Variants in MDGA2 observed in about 807,000 individuals in gnomAD.
MDGA2 encodes the protein MAM domain-containing glycosylphosphatidylinositol anchor protein 2.
MDGA2 carries 40 observed loss-of-function variants against 117.8 expected under a neutral mutation model. That is an observed-to-expected ratio of 0.34 (90% CI 0.26 to 0.44). The LOEUF (loss-of-function observed/expected upper bound fraction) is 0.44. Ranked by LOEUF, MDGA2 falls within the 20% of genes least tolerant of loss-of-function variation. The pLI is 1.00. For missense variants in MDGA2, 1,123 were observed against 1,250.6 expected (o/e 0.90, Z 1.54); for synonymous variants, 452 against 439.0 (o/e 1.03, Z -0.37).
intron 1 of MDGA2, among the ~76,000 whole-genome samples, chr14:47,359,650 C>T (rs1891070901): frequency 2.8e-5 from 4 of 140,356 alleles, no homozygotes; most frequent in African/African-American, 1.1e-4. Context: ...ACTCTGGAGG[C>T]TGAGGCAGGA....
At chr14:47,201,441 ATCTCCTG>A (rs1249673106) in intron 3 of MDGA2, among the ~76,000 whole-genome samples, 3 of 152,054 alleles carry the variant, frequency 2.0e-5, no homozygotes, top group Non-Finnish European at 4.4e-5. Context: ...TTGGCCTCCC[ATCTCCTG>A]TTCTTTCTCT....
At chr14:47,640,581 C>A (rs558155188) in intron 1 of MDGA2, among the ~76,000 whole-genome samples, 164 of 152,120 alleles carry the variant, frequency 1.1e-3, no homozygotes, top group African/African-American at 3.6e-3. Flanking sequence ...ATAAAAGCCC[C>A]AAATGTTAAG....
intron 2 of MDGA2, among the ~76,000 whole-genome samples, chr14:47,241,003 T>C (rs1311216580): frequency 6.6e-6 from 1 of 151,884 alleles, no homozygotes; most frequent in African/African-American, 2.4e-5. Context: ...AAATGGGTTA[T>C]TTGAAGGAAA....
intron 2 of MDGA2, among the ~76,000 whole-genome samples, chr14:47,264,819 A>T (rs918298944): frequency 6.6e-6 from 1 of 152,064 alleles, no homozygotes; most frequent in African/African-American, 2.4e-5. Flanking sequence ...CTCGTCATTT[A>T]CATTAGGTAT....
chr14:47,317,005 C>T (rs1351223799), intron 1 of MDGA2, among the ~76,000 whole-genome samples: 3 of 152,050 alleles, frequency 2.0e-5, no homozygotes, highest in East Asian at 1.9e-4. Context: ...GTTCTCATGT[C>T]GATAAGCTCC....
At chr14:47,034,602 A>C (rs936294255) in intron 8 of MDGA2, among the ~76,000 whole-genome samples, 1 of 152,182 alleles carries the variant, frequency 6.6e-6, no homozygotes, top group Admixed American at 6.5e-5. Flanking sequence ...TGCCTGAAGT[A>C]AAAACATGGA....
At chr14:47,297,505 A>AAGGGG (rs1183570949) in intron 2 of MDGA2, among the ~76,000 whole-genome samples, 12 of 116,042 alleles carry the variant, frequency 1.0e-4, no homozygotes. Context: ...AAGGGAAGGG[A>AAGGGG]AGGGAAGGGA....
Position 47,234,055 on chromosome 14 carries a change from T to A in MDGA2, c.421-15860A>T, listed in dbSNP as rs538052354. On this transcript the variant is annotated intron_variant, in intron 2 of 16. Transcript: ENST00000399232. Reference sequence around the variant, plus strand: ...ATTAAAAACAGCAAAATATCTTTTTTAAATATTTATTTTTCTTGTCACTGA... The same window carrying A: ...ATTAAAAACAGCAAAATATCTTTTTAAAATATTTATTTTTCTTGTCACTGA... Among the ~76,000 whole-genome samples the A allele has an allele frequency of 1.8e-4, 27 of 152,230 alleles. 1 individual carries two copies. In the South Asian group the frequency reaches 5.6e-3, roughly 32 times the overall value.
chr14:46,853,263 T>C (rs1237155080), intron 15 of MDGA2, among the ~76,000 whole-genome samples: 1 of 151,772 alleles, frequency 6.6e-6, no homozygotes, highest in African/African-American at 2.4e-5. Context: ...TATCACAAAT[T>C]AAACATAAAT....
intron 1 of MDGA2, chr14:47,306,278 A>C (rs943876699): frequency 6.6e-6 from 1 of 152,160 alleles, no homozygotes. Flanking sequence ...GAAAGATGAC[A>C]ATTTTTTATT....
At chr14:47,120,189 G>GTGGCTTTT (rs1881576447) in intron 5 of MDGA2, among the ~76,000 whole-genome samples, 1 of 152,118 alleles carries the variant, frequency 6.6e-6, no homozygotes, top group Non-Finnish European at 1.5e-5. Context: ...AACGTAAAGA[G>GTGGCTTTT]TAGCTTTAAT....
intron 1 of MDGA2, among the ~76,000 whole-genome samples, chr14:47,639,059 C>T (rs921220099): frequency 4.6e-5 from 7 of 152,224 alleles, no homozygotes; most frequent in Admixed American, 1.3e-4. Context: ...TGAAATGTCA[C>T]GACAGAAAGT....
chr14:47,125,276 T>C (rs989259522), intron 5 of MDGA2, among the ~76,000 whole-genome samples: 1 of 152,146 alleles, frequency 6.6e-6, no homozygotes, highest in African/African-American at 2.4e-5. Flanking sequence ...AAATTGTTTT[T>C]GTATTTTGTT....
chr14:47,215,851 A>C (rs952206175), intron 3 of MDGA2, among the ~76,000 whole-genome samples: 2 of 152,148 alleles, frequency 1.3e-5, no homozygotes, highest in Non-Finnish European at 2.9e-5. Context: ...CATGGTATGC[A>C]TCACAGTGAT....
intron 1 of MDGA2, among the ~76,000 whole-genome samples, chr14:47,345,705 A>G (rs1890748513): frequency 6.6e-6 from 1 of 152,142 alleles, no homozygotes; most frequent in Admixed American, 6.5e-5. Flanking sequence ...ATGAATTACA[A>G]TGAAGCTTAA....
intron 1 of MDGA2, among the ~76,000 whole-genome samples, chr14:47,655,690 C>T (rs772829381): frequency 1.8e-4 from 28 of 152,122 alleles, no homozygotes; most frequent in Non-Finnish European, 3.4e-4. Flanking sequence ...TCACTTTCCC[C>T]ATCAATAAGA....
chr14:47,333,235 C>T (rs1186802709), intron 1 of MDGA2, among the ~76,000 whole-genome samples: 1 of 151,884 alleles, frequency 6.6e-6, no homozygotes, highest in East Asian at 1.9e-4. Context: ...TTCATAGAGG[C>T]TGTACTAATT....
At chr14:47,335,505 C>A (rs910639709) in intron 1 of MDGA2, among the ~76,000 whole-genome samples, 1 of 151,114 alleles carries the variant, frequency 6.6e-6, no homozygotes, top group African/African-American at 2.4e-5. Flanking sequence ...CTCAGAGAAT[C>A]ATGCAGACTG....
intron 3 of MDGA2, among the ~76,000 whole-genome samples, chr14:47,171,140 A>C (rs1884111950): frequency 6.6e-6 from 1 of 152,162 alleles, no homozygotes. Flanking sequence ...GTTTTAAAAA[A>C]TTGCTTATTT....
Sources: allele counts gnomAD v4.1 joint callset (sites outside exome capture counted in the v4.1 genomes callset), GRCh38; gene constraint gnomAD v4.1.1; transcripts MANE v1.5; gene names NCBI Gene and HGNC (gene_info 2026-07-23, HGNC 2026-07-21).